Variants in SENP2 observed in about 807,000 individuals in gnomAD.
SENP2 encodes the protein sentrin-specific protease 2.
Under a neutral mutation model 86.3 loss-of-function variants are expected in SENP2, and 16 were observed. The ratio of observed to expected loss-of-function variants is 0.19; its 90% CI spans 0.13 to 0.28. The LOEUF (loss-of-function observed/expected upper bound fraction) is 0.28. SENP2 is among the 10% of genes least tolerant of loss of function. The pLI is 1.00. For missense variants in SENP2, 552 were observed against 703.0 expected (o/e 0.79, Z 2.43); for synonymous variants, 222 against 238.7 (o/e 0.93, Z 0.64).
chr3:185,588,033 C>T (rs1447950449), intron 1 of SENP2, among the ~76,000 whole-genome samples: 1 of 147,722 alleles, frequency 6.8e-6, no homozygotes, highest in African/African-American at 2.5e-5. Flanking sequence ...GCCACAGCGC[C>T]CGGCCACTAC....
At chr3:185,590,192 AT>A in intron 2 of SENP2, 23 bp downstream of exon 2, 1 of 1,389,636 alleles carries the variant, frequency 7.2e-7, no homozygotes. Context: ...AATTTTAAAA[AT>A]TTTTAGTTTT....
At position 185,617,631 on chromosome 3, in the gene SENP2, C is replaced by T; in HGVS notation, c.1242+20C>T. ...GATGAAGTAAGTTGTATTCCCTCCCCCTTTTGGCTATCATTAAGTTTATTT... is the reference window on the plus strand; with the variant it reads ...GATGAAGTAAGTTGTATTCCCTCCCTCTTTTGGCTATCATTAAGTTTATTT... On this transcript the variant is annotated intron_variant, in intron 12 of 16. Coordinates refer to ENST00000296257, the MANE Select transcript of SENP2 (RefSeq NM_021627.3). 6 of 1,606,290 alleles carry T rather than the reference C, an allele frequency of 3.7e-6. No individual in the cohort carries two copies. The highest frequency in any genetic ancestry group is 5.1e-6 in the Non-Finnish European group (6 of 1,175,408).
At chr3:185,594,107 G>A (rs532216578) in intron 2 of SENP2, among the ~76,000 whole-genome samples, 1 of 148,796 alleles carries the variant, frequency 6.7e-6, no homozygotes, top group East Asian at 1.9e-4. Flanking sequence ...TTTTTTTTAA[G>A]CCAAAAAAGG....
Position 185,615,492 on chromosome 3 carries a change from T to C in SENP2, c.1110+752T>C, listed in dbSNP as rs181351274. On this transcript the variant is annotated intron_variant, in intron 11 of 16. Coordinates refer to ENST00000296257, the MANE Select transcript of SENP2 (RefSeq NM_021627.3). ...CCTAGTAGCTGGGATTACAGGCACC[T>C]GCCACCATGCCCAGCTAATTTTTGT... Among the ~76,000 whole-genome samples the C allele has an allele frequency of 1.3e-3, 195 of 152,232 alleles. 2 individuals carry two copies. The highest frequency in any genetic ancestry group is 2.1e-4 in the South Asian group (1 of 4,822).
At position 185,614,552 on chromosome 3, in the gene SENP2, T is replaced by C. The variant is rs1711531419; in HGVS notation, c.934-12T>C. Reference sequence around the variant, plus strand: ...AAACATGTCAGTAGAATTTAGATAATTTTTTGATCAGAGGAGGGGATACCA... The same window carrying C: ...AAACATGTCAGTAGAATTTAGATAACTTTTTGATCAGAGGAGGGGATACCA... On this transcript the variant is annotated splice_polypyrimidine_tract_variant and intron_variant, in intron 10 of 16. Coordinates refer to ENST00000296257, the MANE Select transcript of SENP2 (RefSeq NM_021627.3). 1 of 1,587,786 alleles carries C rather than the reference T, an allele frequency of 6.3e-7. No homozygotes were observed. Among genetic ancestry groups the C allele is most frequent in the Middle Eastern group, 1.7e-4 (1 of 5,954 alleles).
rs767461271 is a variant in SENP2 at position 185,614,558 on chromosome 3, G to T, written c.934-6G>T. 1.6e-5 allele frequency: 25 copies of T among 1,590,144 alleles called. No individual in the cohort carries two copies. Among genetic ancestry groups the T allele is most frequent in the Non-Finnish European group, 1.9e-5 (22 of 1,171,132 alleles). ...GTCAGTAGAATTTAGATAATTTTTT[G>T]ATCAGAGGAGGGGATACCAACTGGA... On this transcript the variant is annotated splice_polypyrimidine_tract_variant and splice_region_variant and intron_variant, in intron 10 of 16. Coordinates refer to ENST00000296257, the MANE Select transcript of SENP2 (RefSeq NM_021627.3).
At chr3:185,617,230 G>T (rs1053906054) in intron 11 of SENP2, among the ~76,000 whole-genome samples, 11 of 152,154 alleles carry the variant, frequency 7.2e-5, no homozygotes, top group African/African-American at 2.7e-4. Context: ...CACTTTGGGA[G>T]GCCAAGGCAG....
At chr3:185,619,216 G>A (rs1041832415) in intron 12 of SENP2, 83 bp from the exon 13 acceptor site, 6 of 1,026,190 alleles carry the variant, frequency 5.8e-6, no homozygotes, top group South Asian at 2.7e-5. Context: ...CCTTACCTTC[G>A]AATTCATCCT....
In SENP2 at chr3:185,618,521, G is replaced by A. The variant is rs1711706761; in HGVS notation, c.1243-778G>A. On this transcript the variant is annotated intron_variant, in intron 12 of 16. Transcript: ENST00000296257. Reference sequence around the variant, plus strand: ...GAATGTTTTGTTTTACATTATAAATGTAATTTGTTTATCGTAGAATATTTG... The same window carrying A: ...GAATGTTTTGTTTTACATTATAAATATAATTTGTTTATCGTAGAATATTTG... Among the ~76,000 whole-genome samples the A allele has an allele frequency of 2.0e-5, 3 of 152,124 alleles. No individual in the cohort carries two copies. In the South Asian group the frequency reaches 6.2e-4, roughly 32 times the overall value.
intron 16 of SENP2, among the ~76,000 whole-genome samples, chr3:185,628,829 C>T (rs942163371): frequency 6.6e-6 from 1 of 152,188 alleles, no homozygotes; most frequent in African/African-American, 2.4e-5. Context: ...TCCGTATACA[C>T]TAGAAGGACT....
intron 16 of SENP2, among the ~76,000 whole-genome samples, chr3:185,628,758 G>A (rs1347088551): frequency 1.3e-5 from 2 of 152,110 alleles, no homozygotes; most frequent in Non-Finnish European, 2.9e-5. Flanking sequence ...TGCCCACCTT[G>A]GCCTCCCAAA....
At chr3:185,595,083 G>A (rs1722133393) in intron 2 of SENP2, among the ~76,000 whole-genome samples, 1 of 152,136 alleles carries the variant, frequency 6.6e-6, no homozygotes, top group Non-Finnish European at 1.5e-5. Context: ...CTAGTTTCAG[G>A]GAAGTAAGGT....
intron 3 of SENP2, 52 bp from the exon 4 acceptor site, chr3:185,598,906 A>T (rs1722258287): frequency 7.2e-7 from 1 of 1,390,382 alleles, no homozygotes; most frequent in African/African-American, 1.4e-5. Context: ...ATAGAAAGTT[A>T]TTTAGGTGAC....
In SENP2 at chr3:185,613,403, G is replaced by C; in HGVS notation, c.928G>C (p.Glu310Gln). The C allele has an allele frequency of 6.3e-7, 1 of 1,583,964 alleles. No individual in the cohort carries two copies. The highest frequency in any genetic ancestry group is 8.7e-7 in the Non-Finnish European group (1 of 1,154,976). The change falls in exon 10 of 17, where the codon GAA becomes CAA. Residue 310 changes from glutamate (E) to glutamine (Q), a missense_variant. Physicochemically the swap from Glu to Gln is conservative, Grantham distance 29. Around this residue, in one of 2 missense-constraint regions of SENP2, gnomAD observed 383 missense variants for 427.3 expected, o/e 0.90. Coordinates refer to ENST00000296257, the MANE Select transcript of SENP2 (RefSeq NM_021627.3). ...ETMVGIRFEN[E>Q]SRRGYQLEPD... ...GATGGTCGGAATCAGATTTGAAAATGAAAGTGTAAGTAAAAATCCTAGTTA... is the reference window on the plus strand; with the variant it reads ...GATGGTCGGAATCAGATTTGAAAATCAAAGTGTAAGTAAAAATCCTAGTTA...
At position 185,607,003 on chromosome 3, in the gene SENP2, CAG is replaced by C. The variant is rs1457282219; in HGVS notation, c.618+508_618+509del. ...CTTTTTTCCTTTTTTTTTTTTGAGA[CAG>C]AGTGAGACTCTTGTCACCCATGCTG... On this transcript the variant is annotated intron_variant, in intron 6 of 16. Coordinates refer to ENST00000296257, the MANE Select transcript of SENP2 (RefSeq NM_021627.3). 2.6e-4 allele frequency: 65 copies of C among 250,428 alleles called. No individual in the cohort carries two copies. The South Asian group carries it at 2.7e-3, about 11-fold the overall frequency. The allele number at this position is 250,428 out of a possible 1,614,324, so 15.5% of individuals were successfully genotyped here.
At position 185,633,457 on chromosome 3, in the gene SENP2, T is replaced by C. The variant is rs1371351227; in HGVS notation, c.*3613T>C. On this transcript the variant is annotated 3_prime_UTR_variant, in exon 17 of 17. Coordinates refer to ENST00000296257, the MANE Select transcript of SENP2 (RefSeq NM_021627.3). The stretch of plus-strand genomic sequence containing the variant: ...AGTATTGCTTTGATAATTTTTTTCT[T>C]TTAATTTACCTAATATATATAAGGA... 1 of 152,214 alleles carries C rather than the reference T, an allele frequency of 6.6e-6. No individual in the cohort carries two copies. Among genetic ancestry groups the C allele is most frequent in the Admixed American group, 6.5e-5 (1 of 15,282 alleles). The allele number at this position is 152,214 out of a possible 1,614,324, so 9.4% of individuals were successfully genotyped here.
chr3:185,586,649 C>T lies in SENP2; in HGVS notation c.101+135C>T. On this transcript the variant is annotated intron_variant, in intron 1 of 16. Coordinates refer to ENST00000296257, the MANE Select transcript of SENP2 (RefSeq NM_021627.3). This position sits in a 1 kb window ranked among gnomAD's most constrained non-coding sequence, Gnocchi z 4.3. ...GGGATCCTAGTGACGTAGTCGCTCC[C>T]GCCAGGCTGTAGGGAGGCAGCTCCT... 2 of 782,596 alleles carry T rather than the reference C, an allele frequency of 2.6e-6. No individual in the cohort carries two copies. Among genetic ancestry groups the T allele is most frequent in the South Asian group, 3.2e-5 (2 of 62,048 alleles). 48.5% of individuals were successfully genotyped at this position (782,596 alleles called of 1,614,324 possible).
chr3:185,620,190 G>C (rs1711793508), intron 13 of SENP2, among the ~76,000 whole-genome samples: 1 of 151,756 alleles, frequency 6.6e-6, no homozygotes, highest in African/African-American at 2.4e-5. Context: ...AGCCTCCCAG[G>C]TAGCTGGGAC....
intron 14 of SENP2, among the ~76,000 whole-genome samples, 171 bp from the exon 15 acceptor site, chr3:185,623,826 CA>C (rs63707460): frequency 0.015 from 736 of 47,734 alleles, 4 homozygotes; most frequent in African/African-American, 0.044. Flanking sequence ...GACTCTGTCT[CA>C]AAAAAAAAAA....
Sources: gnomAD v4.1 joint callset for allele counts (sites outside exome capture counted in the v4.1 genomes callset) on GRCh38, gnomAD v4.1.1 for gene constraint, gnomAD v4.1.1 regional missense constraint, Gnocchi (gnomAD v3.1) non-coding constraint, MANE v1.5 for transcripts, NCBI Gene and HGNC (gene_info 2026-07-23, HGNC 2026-07-21) for gene names.